Variants in TTLL11 observed in about 807,000 individuals in gnomAD.
TTLL11 encodes the protein tubulin tyrosine ligase like 11.
TTLL11 carries 42 observed loss-of-function variants against 51.7 expected under a neutral mutation model. That is an observed-to-expected ratio of 0.81 (90% CI 0.64 to 1.05). The LOEUF (loss-of-function observed/expected upper bound fraction) is 1.05. TTLL11 is among the 50% of genes least tolerant of loss of function. TTLL11 has a pLI of 0.00. For missense variants in TTLL11, 799 were observed against 940.4 expected (o/e 0.85, Z 1.97); for synonymous variants, 381 against 383.5 (o/e 0.99, Z 0.08).
chr9:121,857,062 G>A (rs1263979295), intron 8 of TTLL11, among the ~76,000 whole-genome samples: 1 of 152,180 alleles, frequency 6.6e-6, no homozygotes, highest in Admixed American at 6.5e-5. Context: ...TGGCTCCTGA[G>A]ACCACAGGCA....
At chr9:121,903,834 G>A (rs1218052263) in intron 6 of TTLL11, among the ~76,000 whole-genome samples, 2 of 152,182 alleles carry the variant, frequency 1.3e-5, no homozygotes, top group African/African-American at 4.8e-5. Context: ...CAATTAAAAG[G>A]ATTAGGTAAA....
chr9:121,845,994 C>T (rs4837902), intron 8 of TTLL11, among the ~76,000 whole-genome samples: 101,816 of 151,862 alleles, frequency 0.67, 34,533 homozygotes, highest in East Asian at 0.77. Flanking sequence ...GATTAAAAAA[C>T]GAGACCCAAC....
chr9:121,959,266 G>A (rs1222059903), intron 6 of TTLL11, among the ~76,000 whole-genome samples: 2 of 152,156 alleles, frequency 1.3e-5, no homozygotes, highest in Admixed American at 6.6e-5. Flanking sequence ...ATCACTTGGT[G>A]TAGACAGTGT....
At chr9:121,982,717 C>CAAAAAA (rs71371907) in intron 4 of TTLL11, among the ~76,000 whole-genome samples, 10 of 97,368 alleles carry the variant, frequency 1.0e-4, no homozygotes, top group Admixed American at 2.4e-4. Context: ...AACTCCAACT[C>CAAAAAA]AAAAAAAAAA....
chr9:121,825,416 C>T (rs961268311), intron 8 of TTLL11, among the ~76,000 whole-genome samples: 4 of 152,210 alleles, frequency 2.6e-5, no homozygotes, highest in Non-Finnish European at 4.4e-5. Flanking sequence ...AGATAAGGCG[C>T]TTGGGCCAGA....
intron 1 of TTLL11, among the ~76,000 whole-genome samples, chr9:122,083,564 C>T (rs1846049940): frequency 6.6e-6 from 1 of 152,190 alleles, no homozygotes; most frequent in Non-Finnish European, 1.5e-5. Flanking sequence ...GTAATTCCAG[C>T]ACTTTGAGAG....
intron 1 of TTLL11, among the ~76,000 whole-genome samples, chr9:122,073,431 T>C (rs1177447683): frequency 6.6e-6 from 1 of 151,860 alleles, no homozygotes; most frequent in Non-Finnish European, 1.5e-5. Context: ...TAAAATAAAA[T>C]AAAATCTTGT....
rs77437063 is a variant in TTLL11, at chr9:122,090,888, A to G, written c.462+1799T>C. On this transcript the variant is annotated intron_variant, in intron 1 of 8. Coordinates refer to ENST00000321582, the MANE Select transcript of TTLL11 (RefSeq NM_001139442.2). ...AAGAAGTGACAAGAGTAAGCCATGCAAATAAATGAAAAGGGAGAATTTCAG... is the reference window on the plus strand; with the variant it reads ...AAGAAGTGACAAGAGTAAGCCATGCGAATAAATGAAAAGGGAGAATTTCAG... 7.4e-3 allele frequency among the ~76,000 whole-genome samples: 1,131 copies of G among 152,350 alleles called. 10 individuals are homozygous for G. Among genetic ancestry groups the G allele is most frequent in the Middle Eastern group, 0.024 (7 of 294 alleles).
chr9:121,906,941 C>T (rs1057462225), intron 6 of TTLL11, among the ~76,000 whole-genome samples: 1 of 152,064 alleles, frequency 6.6e-6, no homozygotes, highest in African/African-American at 2.4e-5. Context: ...GGCACGGTGG[C>T]TCATGTCTGT....
At chr9:121,911,904 C>T (rs1197561635) in intron 6 of TTLL11, among the ~76,000 whole-genome samples, 3 of 152,044 alleles carry the variant, frequency 2.0e-5, no homozygotes, top group Non-Finnish European at 4.4e-5. Context: ...ACCTTCTACA[C>T]ATGTATCCCA....
rs71371907 is a variant in TTLL11 at position 121,982,717 on chromosome 9, C to CAAA, written c.1269+6475_1269+6477dup. On this transcript the variant is annotated intron_variant, in intron 4 of 8. Coordinates refer to ENST00000321582, the MANE Select transcript of TTLL11 (RefSeq NM_001139442.2). The stretch of plus-strand genomic sequence containing the variant: ...GGTCAACAAGAGTGAAACTCCAACT[C>CAAA]AAAAAAAAAAAAAAAAAAAGAATAA... Among the ~76,000 whole-genome samples, 306 of 97,398 alleles carry CAAA rather than the reference C, an allele frequency of 3.1e-3. 6 individuals carry two copies. The highest frequency in any genetic ancestry group is 0.013 in the African/African-American group (283 of 21,780). 63.9% of individuals were successfully genotyped at this position (97,398 alleles called of 152,430 possible).
chr9:121,931,719 A>G lies in TTLL11; in HGVS notation c.1481+42290T>C, dbSNP rs74716099. Reference sequence around the variant, plus strand: ...TGCTGAGAACAGGGCTTGTGGAACAATAGAGGGCTCTCTGAGGGCCCTGTC... The same window carrying G: ...TGCTGAGAACAGGGCTTGTGGAACAGTAGAGGGCTCTCTGAGGGCCCTGTC... On this transcript the variant is annotated intron_variant, in intron 6 of 8. Coordinates refer to ENST00000321582, the MANE Select transcript of TTLL11 (RefSeq NM_001139442.2). 9.0e-3 allele frequency among the ~76,000 whole-genome samples: 1,370 copies of G among 152,268 alleles called. 15 individuals are homozygous for G. Among genetic ancestry groups the G allele is most frequent in the African/African-American group, 0.03 (1,231 of 41,540 alleles).
intron 4 of TTLL11, among the ~76,000 whole-genome samples, chr9:121,975,857 T>C (rs1275572428): frequency 1.3e-5 from 2 of 152,206 alleles, no homozygotes; most frequent in East Asian, 3.9e-4. Context: ...GACAGGAATA[T>C]TGATTAGGCA....
chr9:121,838,250 A>G (rs1268948860), intron 8 of TTLL11, among the ~76,000 whole-genome samples: 3 of 152,076 alleles, frequency 2.0e-5, no homozygotes, highest in Non-Finnish European at 1.5e-5. Flanking sequence ...GTCATTTTTG[A>G]GACTTCTCTT....
chr9:122,065,576 C>G (rs1845562021), intron 1 of TTLL11, among the ~76,000 whole-genome samples: 1 of 152,230 alleles, frequency 6.6e-6, no homozygotes, highest in East Asian at 1.9e-4. Context: ...TAAGAAACTA[C>G]AAGCCTTGGC....
intron 1 of TTLL11, among the ~76,000 whole-genome samples, chr9:122,058,382 T>C (rs1225894174): frequency 6.6e-6 from 1 of 152,218 alleles, no homozygotes; most frequent in Admixed American, 6.5e-5. Flanking sequence ...CCAATTTTAA[T>C]GTGAAACTGC....
intron 1 of TTLL11, among the ~76,000 whole-genome samples, chr9:122,077,261 C>T (rs1845887557): frequency 6.6e-6 from 1 of 151,972 alleles, no homozygotes; most frequent in Admixed American, 6.6e-5. Flanking sequence ...ATATAAAATA[C>T]CAATAACGCC....
rs543705573 is a variant in TTLL11 at position 122,005,416 on chromosome 9, A to G, written c.694-15646T>C. The stretch of plus-strand genomic sequence containing the variant: ...TGGAGGCATCTGTATGAATAACCCC[A>G]TTGATAATTCTGCTCAGGGCTTCCA... On this transcript the variant is annotated intron_variant, in intron 3 of 8. Transcript: ENST00000321582. Among the ~76,000 whole-genome samples, 75 of 152,220 alleles carry G rather than the reference A, an allele frequency of 4.9e-4. No homozygotes were observed. In the Middle Eastern group the frequency reaches 0.01, roughly 21 times the overall value.
chr9:121,923,121 C>T (rs1032030032), intron 6 of TTLL11, among the ~76,000 whole-genome samples: 22 of 152,310 alleles, frequency 1.4e-4, no homozygotes, highest in Admixed American at 4.6e-4. Flanking sequence ...CAGAGATATT[C>T]ATTCCCTTTA....
Sources: gnomAD v4.1 joint callset for allele counts (sites outside exome capture counted in the v4.1 genomes callset) on GRCh38, gnomAD v4.1.1 for gene constraint, MANE v1.5 for transcripts, NCBI Gene and HGNC (gene_info 2026-07-23, HGNC 2026-07-21) for gene names.